YEATS2: variants seen among roughly 807,000 people sequenced by gnomAD.
YEATS2 encodes YEATS domain containing 2, also known as YEATS domain-containing protein 2.
In YEATS2, 77 loss-of-function variants were observed where a neutral mutation model predicts 163.2. That is an observed-to-expected ratio of 0.47 (90% CI 0.39 to 0.57). YEATS2 has a LOEUF of 0.57. Among genes scored for constraint, YEATS2 ranks in the 20% least tolerant of loss-of-function variants. The pLI, the probability that YEATS2 is intolerant of heterozygous loss-of-function variation, is 0.00. For missense variants in YEATS2, 1,549 were observed against 1,729.8 expected (o/e 0.90, Z 1.85); for synonymous variants, 631 against 645.1 (o/e 0.98, Z 0.33).
chr3:183,809,224 T>C, intron 30 of YEATS2, 54 bp downstream of exon 30: 2 of 1,570,194 alleles, frequency 1.3e-6, no homozygotes, highest in Non-Finnish European at 1.8e-6. Flanking sequence ...TTCCTAACAG[T>C]TGAATTGCCC....
chr3:183,762,817 T>C (rs868782789), intron 15 of YEATS2, among the ~76,000 whole-genome samples: 44 of 152,134 alleles, frequency 2.9e-4, no homozygotes, highest in African/African-American at 1.1e-3. Flanking sequence ...TTTAGGAGGC[T>C]GAGGCGGGCG....
At chr3:183,712,763 A>AT (rs1715402164) in intron 1 of YEATS2, among the ~76,000 whole-genome samples, 1 of 126,512 alleles carries the variant, frequency 7.9e-6, no homozygotes, top group Admixed American at 8.3e-5. Flanking sequence ...TACTAATACA[A>AT]ATTTTTTTTT....
intron 8 of YEATS2, among the ~76,000 whole-genome samples, chr3:183,737,780 A>T (rs565230048): frequency 6.6e-6 from 1 of 152,328 alleles, no homozygotes; most frequent in East Asian, 1.9e-4. Flanking sequence ...TTCCACGGGG[A>T]GAACTGCCCT....
At chr3:183,704,297 T>G (rs545039601) in intron 1 of YEATS2, among the ~76,000 whole-genome samples, 1 of 152,102 alleles carries the variant, frequency 6.6e-6, no homozygotes, top group Non-Finnish European at 1.5e-5. Context: ...AATAAAACTT[T>G]CCAGTTATGA....
intron 1 of YEATS2, among the ~76,000 whole-genome samples, chr3:183,700,757 G>A (rs1713986361): frequency 7.7e-6 from 1 of 129,064 alleles, no homozygotes; most frequent in Admixed American, 8.8e-5. Context: ...GGCGACAGAG[G>A]GAGACTTCGT....
intron 28 of YEATS2, chr3:183,807,336 G>A (rs1726320287): frequency 2.1e-6 from 1 of 474,802 alleles, no homozygotes; most frequent in African/African-American, 1.9e-5. Context: ...TGAAAACATT[G>A]CTTGTTGAAC....
intron 8 of YEATS2, among the ~76,000 whole-genome samples, chr3:183,745,543 C>T (rs56865997): frequency 0.028 from 4,211 of 152,152 alleles, 188 homozygotes; most frequent in African/African-American, 0.095. Context: ...TGTAGCTTTT[C>T]CTGGCTGTTA....
intron 1 of YEATS2, among the ~76,000 whole-genome samples, chr3:183,705,848 G>A (rs1201866098): frequency 2.6e-5 from 4 of 152,056 alleles, no homozygotes; most frequent in Non-Finnish European, 5.9e-5. Flanking sequence ...GACCATCCTG[G>A]CTAACATGGT....
At chr3:183,807,978 GGCT>G in intron 28 of YEATS2, 49 bp from the exon 29 acceptor site, 1 of 1,443,078 alleles carries the variant, frequency 6.9e-7, no homozygotes, top group Non-Finnish European at 9.5e-7. Context: ...TTTGGAGAGA[GGCT>G]GTTTCTAAAG....
In YEATS2 at chr3:183,790,881, G is replaced by A. The variant is rs188928313; in HGVS notation, c.2998G>A (p.Ala1000Thr). The change falls in exon 21 of 31, where the codon GCC becomes ACC. Residue 1000 changes from alanine (A) to threonine (T), a missense_variant. By Grantham distance (58) the Ala-to-Thr change is moderately conservative. Transcript: ENST00000305135. ...GCAGCAGCAAGTGTGTGTGAGCCAG[G>A]CCACCGTGGGAACCTGCAAGGCTGC... Reference protein sequence around the residue: ...SGQQQVCVSQATVGTCKAATP... With the variant: ...SGQQQVCVSQTTVGTCKAATP... 4.8e-3 allele frequency: 7,778 copies of A among 1,614,100 alleles called. 29 individuals carry two copies. The highest frequency in any genetic ancestry group is 6.3e-3 in the Non-Finnish European group (7,438 of 1,180,008).
At chr3:183,806,449 T>C (rs1310738174) in intron 27 of YEATS2, 1 of 457,082 alleles carries the variant, frequency 2.2e-6, no homozygotes, top group South Asian at 1.5e-5. Context: ...ATAATATACA[T>C]TGAAATGTTA....
intron 26 of YEATS2, chr3:183,803,549 T>C: frequency 1.7e-6 from 1 of 592,160 alleles, no homozygotes; most frequent in Non-Finnish European, 3.0e-6. Context: ...AGTTTCTAAA[T>C]TTTTTTCTGA....
At chr3:183,807,952 C>A in intron 28 of YEATS2, 78 bp from the exon 29 acceptor site, 2 of 1,228,292 alleles carry the variant, frequency 1.6e-6, no homozygotes, top group Non-Finnish European at 2.3e-6. Context: ...CTTTGCATGT[C>A]AGGGAGGTAT....
At chr3:183,804,654 A>C (rs1473746242) in intron 27 of YEATS2, among the ~76,000 whole-genome samples, 9 of 152,202 alleles carry the variant, frequency 5.9e-5, no homozygotes, top group Admixed American at 5.9e-4. Flanking sequence ...TGTGAAAACT[A>C]GTAATGTTGC....
chr3:183,807,900 T>A, intron 28 of YEATS2, 130 bp from the exon 29 acceptor site: 1 of 629,082 alleles, frequency 1.6e-6, no homozygotes, highest in Non-Finnish European at 2.8e-6. Flanking sequence ...CCGTGAATTT[T>A]GCCCAATATG....
rs925670927 is a variant in YEATS2, at chr3:183,728,793, A to G, written c.754A>G (p.Lys252Glu). The change falls in exon 7 of 31, where the codon AAG becomes GAG. Residue 252 changes from lysine (K) to glutamate (E), a missense_variant. Physicochemically the swap from Lys to Glu is moderately conservative, Grantham distance 56 (BLOSUM62 1). Coordinates refer to ENST00000305135, the MANE Select transcript of YEATS2 (RefSeq NM_018023.5). The stretch of plus-strand genomic sequence containing the variant: ...AGAACCCAGCATTAATCATTTTGTC[A>G]AGAAGGTTTGGTTCTTCCTTCATCC... ...RREPSINHFV[K>E]KVWFFLHPSY... 6.2e-7 allele frequency: 1 copy of G among 1,614,152 alleles called. No homozygotes were observed.
chr3:183,797,567 T>TAAATAAAC (rs1393380674), intron 21 of YEATS2, among the ~76,000 whole-genome samples: 1 of 149,564 alleles, frequency 6.7e-6, no homozygotes, highest in African/African-American at 2.5e-5. Flanking sequence ...AATAAATAAA[T>TAAATAAAC]AAATAAATAG....
intron 19 of YEATS2, among the ~76,000 whole-genome samples, chr3:183,784,309 T>C (rs1392859896): frequency 1.3e-5 from 2 of 152,218 alleles, no homozygotes; most frequent in Admixed American, 6.5e-5. Flanking sequence ...TGAGATGATA[T>C]TGTGGTTTTG....
At chr3:183,795,271 T>C (rs961261114) in intron 21 of YEATS2, among the ~76,000 whole-genome samples, 2 of 151,534 alleles carry the variant, frequency 1.3e-5, no homozygotes, top group Admixed American at 6.6e-5. Flanking sequence ...CTACAACATA[T>C]ACATTCCTTT....
Sources: gnomAD v4.1 joint callset for allele counts (sites outside exome capture counted in the v4.1 genomes callset) on GRCh38, gnomAD v4.1.1 for gene constraint, MANE v1.5 for transcripts, NCBI Gene and HGNC (gene_info 2026-07-23, HGNC 2026-07-21) for gene names.